FHOD3: variants seen among roughly 807,000 people sequenced by gnomAD.
FHOD3 encodes FH1/FH2 domain-containing protein 3.
FHOD3 carries 90 observed loss-of-function variants against 173.0 expected under a neutral mutation model. That is an observed-to-expected ratio of 0.52 (90% confidence interval 0.44 to 0.62). The LOEUF (loss-of-function observed/expected upper bound fraction) is 0.62, where lower values mean the gene tolerates loss of function less well. Ranked by LOEUF, FHOD3 falls within the 20% of genes least tolerant of loss-of-function variation. The pLI is 0.00. For synonymous variants in FHOD3, 828 were observed against 823.0 expected (o/e 1.01, Z -0.10); for missense variants, 1,945 against 2,034.7 (o/e 0.96, Z 0.85).
chr18:36,414,536 C>T (rs2049523911), intron 3 of FHOD3, among the ~76,000 whole-genome samples: 1 of 152,174 alleles, frequency 6.6e-6, no homozygotes, highest in Non-Finnish European at 1.5e-5. Flanking sequence ...TCCTGTCTTA[C>T]CTGAAGGCTC....
At chr18:36,488,550 A>T (rs542389316) in intron 3 of FHOD3, among the ~76,000 whole-genome samples, 2 of 152,280 alleles carry the variant, frequency 1.3e-5, no homozygotes, top group African/African-American at 2.4e-5. Context: ...TATTCACTGT[A>T]TGGAGGACAT....
intron 1 of FHOD3, among the ~76,000 whole-genome samples, chr18:36,316,477 G>T (rs2044127264): frequency 6.6e-6 from 1 of 152,244 alleles, no homozygotes; most frequent in South Asian, 2.1e-4. Flanking sequence ...CAGATGGATA[G>T]CGAGGTCACC....
intron 1 of FHOD3, among the ~76,000 whole-genome samples, chr18:36,340,247 A>G (rs1044526096): frequency 6.6e-6 from 1 of 152,214 alleles, no homozygotes; most frequent in East Asian, 1.9e-4. Flanking sequence ...TAATTGTTCA[A>G]TTTTTAAGTG....
At chr18:36,514,110 G>A (rs895279413) in intron 5 of FHOD3, among the ~76,000 whole-genome samples, 2 of 147,502 alleles carry the variant, frequency 1.4e-5, no homozygotes, top group Non-Finnish European at 3.0e-5. Context: ...CCGGATTCAC[G>A]CCATTCTCCT....
intron 4 of FHOD3, among the ~76,000 whole-genome samples, chr18:36,510,373 C>T (rs2055567731): frequency 1.3e-5 from 2 of 152,154 alleles, no homozygotes; most frequent in African/African-American, 4.8e-5. Context: ...TTTTTTTCCA[C>T]ATTAATTATC....
At chr18:36,320,568 G>T (rs764877883) in intron 1 of FHOD3, among the ~76,000 whole-genome samples, 2 of 152,216 alleles carry the variant, frequency 1.3e-5, no homozygotes, top group Non-Finnish European at 2.9e-5. Flanking sequence ...AGAGGAGCTG[G>T]CATCATTCCT....
intron 19 of FHOD3, among the ~76,000 whole-genome samples, chr18:36,719,733 G>A (rs2149788092): frequency 6.6e-6 from 1 of 152,258 alleles, no homozygotes; most frequent in South Asian, 2.1e-4. Context: ...AATGCCATTT[G>A]GGCACCAATT....
At chr18:36,544,183 G>A (rs1026860544) in intron 5 of FHOD3, among the ~76,000 whole-genome samples, 3 of 152,174 alleles carry the variant, frequency 2.0e-5, no homozygotes, top group African/African-American at 7.2e-5. Flanking sequence ...AACGAAGGCA[G>A]GGCTTCTGGG....
At chr18:36,599,834 A>G (rs1032743128) in intron 7 of FHOD3, among the ~76,000 whole-genome samples, 34 of 152,114 alleles carry the variant, frequency 2.2e-4, no homozygotes, top group Non-Finnish European at 8.8e-5. Flanking sequence ...AGTATCTATC[A>G]TGTAACAGAC....
chr18:36,394,640 G>A (rs546830662), intron 3 of FHOD3, among the ~76,000 whole-genome samples: 29 of 152,276 alleles, frequency 1.9e-4, no homozygotes, highest in African/African-American at 6.3e-4. Context: ...GAATCATCAC[G>A]GGTGTTCTCT....
chr18:36,667,678 A>G (rs970169145), intron 14 of FHOD3, among the ~76,000 whole-genome samples: 5 of 152,292 alleles, frequency 3.3e-5, no homozygotes, highest in Middle Eastern at 3.4e-3. Flanking sequence ...CTCACCATGA[A>G]TGGAGCTTAC....
At chr18:36,766,418 A>G (rs1286690689) in intron 27 of FHOD3, among the ~76,000 whole-genome samples, 1 of 152,160 alleles carries the variant, frequency 6.6e-6, no homozygotes, top group African/African-American at 2.4e-5. Flanking sequence ...TTGTGCTATT[A>G]TGGTCTAGAT....
Position 36,744,058 on chromosome 18 carries a change from C to G in FHOD3, c.3906C>G (p.Leu1302=), listed in dbSNP as rs140963343. Residue 1302 remains leucine (L), a synonymous_variant, in exon 23 of 29, where the codon CTC becomes CTG. Coordinates refer to ENST00000590592, the MANE Select transcript of FHOD3 (RefSeq NM_001281740.3). ...CCAAAGCGTTTGAGTTAAGCTACCT[C>G]GAGAAGGTTCCAGAAGTCAAAGACA... ...TNAKAFELSY[L]EKVPEVKDTV... 13 of 1,614,054 alleles carry G rather than the reference C, an allele frequency of 8.1e-6. No individual in the cohort carries two copies. Among genetic ancestry groups the G allele is most frequent in the African/African-American group, 2.7e-5 (2 of 74,924 alleles).
chr18:36,632,358 G>T (rs1204437041), intron 10 of FHOD3, among the ~76,000 whole-genome samples: 1 of 152,140 alleles, frequency 6.6e-6, no homozygotes, highest in Non-Finnish European at 1.5e-5. Flanking sequence ...CCTTTTCTTA[G>T]TGTTGCCTGT....
At chr18:36,467,368 C>T (rs1218249031) in intron 3 of FHOD3, among the ~76,000 whole-genome samples, 6 of 152,214 alleles carry the variant, frequency 3.9e-5, no homozygotes, top group Admixed American at 3.9e-4. Context: ...AGTGTCCTCT[C>T]CTTCCAACCC....
chr18:36,451,688 C>CT (rs1288670894), intron 3 of FHOD3, among the ~76,000 whole-genome samples: 5 of 152,206 alleles, frequency 3.3e-5, no homozygotes, highest in African/African-American at 1.2e-4. Context: ...CAGAGCCCTG[C>CT]TCAAGGGCAA....
chr18:36,608,747 C>A (rs1309111591), intron 8 of FHOD3, among the ~76,000 whole-genome samples: 2 of 152,292 alleles, frequency 1.3e-5, no homozygotes, highest in East Asian at 3.9e-4. Context: ...TGGAATCATA[C>A]AGTAAGTAAC....
intron 3 of FHOD3, among the ~76,000 whole-genome samples, chr18:36,401,121 A>T (rs927359149): frequency 6.6e-6 from 1 of 152,134 alleles, no homozygotes; most frequent in African/African-American, 2.4e-5. Context: ...TGGTCTGAAT[A>T]TTGGTGTCCC....
chr18:36,704,883 G>C (rs1402841200), intron 17 of FHOD3, among the ~76,000 whole-genome samples: 1 of 152,226 alleles, frequency 6.6e-6, no homozygotes, highest in Non-Finnish European at 1.5e-5. Context: ...AAAACCTCCT[G>C]CTGTTCAGAG....
Sources: allele counts gnomAD v4.1 joint callset (sites outside exome capture counted in the v4.1 genomes callset), GRCh38; gene constraint gnomAD v4.1.1; transcripts MANE v1.5; gene names NCBI Gene and HGNC (gene_info 2026-07-23, HGNC 2026-07-21).